The following PCDH15 variants were observed in gnomAD, a reference collection of about 807,000 sequenced individuals.
PCDH15 encodes protocadherin related 15, also known as protocadherin-15.
In PCDH15, 129 loss-of-function variants were observed where a neutral mutation model predicts 178.5. That is an observed-to-expected ratio of 0.72 (90% CI 0.63 to 0.84). The LOEUF (loss-of-function observed/expected upper bound fraction) is 0.84. Ranked by LOEUF, PCDH15 falls within the 40% of genes least tolerant of loss-of-function variation. The pLI is 0.00. For synonymous variants in PCDH15, 800 were observed against 732.0 expected (o/e 1.09, Z -1.50); for missense variants, 2,230 against 2,099.9 (o/e 1.06, Z -1.21).
chr10:55,514,989 T>A (rs200234154), intron 2 of PCDH15, among the ~76,000 whole-genome samples: 5 of 139,562 alleles, frequency 3.6e-5, no homozygotes, highest in Admixed American at 2.2e-4. Context: ...ATAGATAGAT[T>A]TTTTTTTTTT....
chr10:54,178,190 C>T (rs2133732639), intron 13 of PCDH15, among the ~76,000 whole-genome samples: 1 of 152,152 alleles, frequency 6.6e-6, no homozygotes, highest in East Asian at 1.9e-4. Flanking sequence ...GGACTTTTGA[C>T]TTTGACATGT....
chr10:55,565,512 C>A (rs1842284133), intron 2 of PCDH15, among the ~76,000 whole-genome samples: 1 of 151,388 alleles, frequency 6.6e-6, no homozygotes, highest in African/African-American at 2.4e-5. Flanking sequence ...AAGACTAGAG[C>A]AGAGATAGAC....
chr10:55,505,370 T>G (rs1840739004), intron 2 of PCDH15, among the ~76,000 whole-genome samples: 1 of 151,350 alleles, frequency 6.6e-6, no homozygotes, highest in South Asian at 2.1e-4. Context: ...ATAAAGATAT[T>G]GGGAGAATAC....
intron 10 of PCDH15, among the ~76,000 whole-genome samples, chr10:54,200,263 A>G (rs1054822183): frequency 1.5e-5 from 2 of 135,998 alleles, no homozygotes; most frequent in African/African-American, 5.5e-5. Flanking sequence ...GCATCTACAG[A>G]GCCCACTTTT....
At chr10:55,341,216 C>T (rs1844547416) in intron 2 of PCDH15, among the ~76,000 whole-genome samples, 1 of 151,872 alleles carries the variant, frequency 6.6e-6, no homozygotes. Flanking sequence ...ACTATAATTC[C>T]CTACGGTACC....
At position 53,992,886 on chromosome 10, in the gene PCDH15, C is replaced by A. The variant is rs2091619816; in HGVS notation, c.2868+2763G>T. ...TGTTTTTCCTCCCTCTGGAGCACTT[C>A]AGTTTTGCAAAACATGTATTTTATA... On this transcript the variant is annotated intron_variant, in intron 21 of 37. Transcript: ENST00000644397. 2.0e-5 allele frequency among the ~76,000 whole-genome samples: 3 copies of A among 152,304 alleles called. No individual in the cohort carries two copies. In the South Asian group the frequency reaches 6.2e-4, roughly 32 times the overall value.
chr10:53,806,522 G>C lies in PCDH15; in HGVS notation c.*57C>G. On this transcript the variant is annotated 3_prime_UTR_variant, in exon 38 of 38. Coordinates refer to ENST00000644397, the MANE Select transcript of PCDH15 (RefSeq NM_001384140.1). ...ATTGTTTTCTCAGTGACAATAAAAAGCACAGTTTATTAAAAATGTAAGTAA... is the reference window on the plus strand; with the variant it reads ...ATTGTTTTCTCAGTGACAATAAAAACCACAGTTTATTAAAAATGTAAGTAA... 1 of 1,357,450 alleles carries C rather than the reference G, an allele frequency of 7.4e-7. No individual in the cohort carries two copies. The highest frequency in any genetic ancestry group is 1.0e-6 in the Non-Finnish European group (1 of 998,436). The allele number at this position is 1,357,450 out of a possible 1,614,324, so 84.1% of individuals were successfully genotyped here.
chr10:54,753,311 G>A (rs1482360852), intron 1 of PCDH15, among the ~76,000 whole-genome samples: 1 of 152,140 alleles, frequency 6.6e-6, no homozygotes, highest in East Asian at 1.9e-4. Context: ...AGCCTCCTGA[G>A]CAGCTGGAAT....
At chr10:54,918,539 T>C (rs1187526928) in intron 2 of PCDH15, among the ~76,000 whole-genome samples, 2 of 152,142 alleles carry the variant, frequency 1.3e-5, no homozygotes, top group Non-Finnish European at 2.9e-5. Flanking sequence ...GTGAAACACA[T>C]GGCTAATTTG....
chr10:55,523,763 A>C (rs1841239277), intron 2 of PCDH15, among the ~76,000 whole-genome samples: 1 of 151,654 alleles, frequency 6.6e-6, no homozygotes, highest in African/African-American at 2.4e-5. Context: ...CAAGGTAGAA[A>C]AGTTGATTAA....
chr10:54,740,315 C>A (rs1944618723), intron 1 of PCDH15, among the ~76,000 whole-genome samples: 1 of 151,856 alleles, frequency 6.6e-6, no homozygotes, highest in East Asian at 1.9e-4. Flanking sequence ...TAAATATAAA[C>A]CACAATGAAA....
chr10:53,899,416 C>T (rs1418847874), intron 26 of PCDH15, among the ~76,000 whole-genome samples: 2 of 151,986 alleles, frequency 1.3e-5, no homozygotes, highest in Admixed American at 6.6e-5. Context: ...AAAAATAATG[C>T]CCCAAATTCA....
chr10:55,045,784 G>A (rs971578941), intron 2 of PCDH15, among the ~76,000 whole-genome samples: 2 of 151,958 alleles, frequency 1.3e-5, no homozygotes, highest in African/African-American at 4.8e-5. Flanking sequence ...TGCCAGTAAT[G>A]TCAATTGGTG....
intron 23 of PCDH15, among the ~76,000 whole-genome samples, chr10:53,953,001 C>G (rs552047877): frequency 1.3e-5 from 2 of 152,368 alleles, no homozygotes; most frequent in East Asian, 3.9e-4. Flanking sequence ...GGTCCACAGT[C>G]TCAGCTGGGT....
intron 2 of PCDH15, among the ~76,000 whole-genome samples, chr10:55,134,773 C>T (rs533836269): frequency 4.5e-4 from 69 of 152,272 alleles, no homozygotes; most frequent in South Asian, 1.4e-3. Context: ...ATGATCAGCT[C>T]AGCAGCGATT....
intron 8 of PCDH15, among the ~76,000 whole-genome samples, chr10:54,316,155 T>A (rs2061253903): frequency 1.3e-5 from 2 of 152,052 alleles, no homozygotes; most frequent in Admixed American, 1.3e-4. Context: ...TCTCCAGCTG[T>A]TTTTTTTATT....
intron 2 of PCDH15, among the ~76,000 whole-genome samples, chr10:55,349,732 T>A (rs560452780): frequency 1.3e-5 from 2 of 152,144 alleles, no homozygotes; most frequent in African/African-American, 2.4e-5. Flanking sequence ...AGATTTTTCA[T>A]TTTCATTATC....
intron 25 of PCDH15, among the ~76,000 whole-genome samples, chr10:53,936,338 G>A (rs963106952): frequency 1.3e-5 from 2 of 152,080 alleles, no homozygotes; most frequent in Non-Finnish European, 2.9e-5. Context: ...CAAATAATTT[G>A]TTACTTTTGG....
intron 3 of PCDH15, among the ~76,000 whole-genome samples, chr10:54,835,238 C>G (rs1205811908): frequency 6.6e-6 from 1 of 152,090 alleles, no homozygotes; most frequent in Non-Finnish European, 1.5e-5. Flanking sequence ...TTCATGGTCG[C>G]AATGAATTAA....
Sources: gnomAD v4.1 joint callset for allele counts (sites outside exome capture counted in the v4.1 genomes callset) on GRCh38, gnomAD v4.1.1 for gene constraint, MANE v1.5 for transcripts, NCBI Gene and HGNC (gene_info 2026-07-23, HGNC 2026-07-21) for gene names.